The following PEX2 variants were observed in gnomAD, a reference collection of about 807,000 sequenced individuals.
PEX2 encodes the protein peroxisomal biogenesis factor 2.
Under a neutral mutation model 25.2 loss-of-function variants are expected in PEX2, and 19 were observed. The observed-to-expected ratio is 0.75, with a 90% confidence interval of 0.53 to 1.10. PEX2 has a LOEUF of 1.10. Ranked by LOEUF, PEX2 falls within the 50% of genes least tolerant of loss-of-function variation. PEX2 has a pLI of 0.00. For synonymous variants in PEX2, 141 were observed against 127.7 expected, an observed-to-expected ratio of 1.10 and a Z score of -0.70; for missense variants, 347 against 350.6, an observed-to-expected ratio of 0.99 and a Z score of 0.08.
At chr8:76,991,641 C>T (rs975791929) in intron 1 of PEX2, among the ~76,000 whole-genome samples, 1 of 152,192 alleles carries the variant, frequency 6.6e-6, no homozygotes, top group Non-Finnish European at 1.5e-5. Flanking sequence ...ATACTTCTCC[C>T]ATGCTCTACA....
rs1488388293 is a variant in PEX2, at chr8:76,981,121, ATGGTGG to A, written c.*2134_*2139del. ...GTGAAAAGAACCTAAATGCTCTATG[ATGGTGG>A]TTAAATAATAATAGGAATAGGAATA... On this transcript the variant is annotated 3_prime_UTR_variant, in exon 4 of 4. Coordinates refer to ENST00000357039, the MANE Select transcript of PEX2 (RefSeq NM_000318.3). 1 of 152,204 alleles carries A rather than the reference ATGGTGG, an allele frequency of 6.6e-6. No individual in the cohort carries two copies. The highest frequency in any genetic ancestry group is 1.5e-5 in the Non-Finnish European group (1 of 68,034). 9.4% of individuals were successfully genotyped at this position (152,204 alleles called of 1,614,324 possible). A position where few individuals can be genotyped will look rare whatever the true frequency, so the allele number is the denominator to read the frequency against.
intron 2 of PEX2, 91 bp downstream of exon 2, chr8:76,988,216 T>G (rs756728612): frequency 6.6e-5 from 10 of 152,242 alleles, no homozygotes; most frequent in Non-Finnish European, 1.2e-4. Context: ...ACTGTGGTCT[T>G]CACCATCACA....
chr8:76,997,196 C>T (rs1807360408), intron 1 of PEX2, among the ~76,000 whole-genome samples: 1 of 152,162 alleles, frequency 6.6e-6, no homozygotes, highest in African/African-American at 2.4e-5. Context: ...AAGGACCATT[C>T]AAAGAACCAT....
intron 2 of PEX2, chr8:76,988,037 T>C (rs1300065534): frequency 6.6e-6 from 1 of 152,240 alleles, no homozygotes; most frequent in Admixed American, 6.5e-5. Context: ...TCTACATAAG[T>C]GCTAAAATCA....
rs1236376690 is a variant in PEX2 at position 76,999,995 on chromosome 8, G to A, written c.-165C>T. The A allele has an allele frequency of 2.2e-6, 1 of 455,970 alleles. No homozygotes were observed. The highest frequency in any genetic ancestry group is 1.6e-5 in the South Asian group (1 of 64,434). The allele number at this position is 455,970 out of a possible 1,614,324, so 28.2% of individuals were successfully genotyped here. A position where few individuals can be genotyped will look rare whatever the true frequency, so the allele number is the denominator to read the frequency against. ...TCTCTAGGGCAGACACTGACCTTAG[G>A]AGTCTGCGAAACGCCCACGCTCCAC... On this transcript the variant is annotated 5_prime_UTR_variant, in exon 1 of 4. Coordinates refer to ENST00000357039, the MANE Select transcript of PEX2 (RefSeq NM_000318.3).
chr8:76,981,504 T>C lies in PEX2; in HGVS notation c.*1757A>G, dbSNP rs935984909. 5.9e-5 allele frequency: 9 copies of C among 152,282 alleles called. No homozygotes were observed. The highest frequency in any genetic ancestry group is 5.9e-4 in the Admixed American group (9 of 15,302). 9.4% of individuals were successfully genotyped at this position (152,282 alleles called of 1,614,324 possible). On this transcript the variant is annotated 3_prime_UTR_variant, in exon 4 of 4. Transcript: ENST00000357039. ...CAAACAAAAAACAAAGACGTTTGTA[T>C]ATATTTTTATTTTTTTAGAAACGAA...
rs1438244180 is a variant in PEX2, at chr8:76,982,180, G to A, written c.*1081C>T. On this transcript the variant is annotated 3_prime_UTR_variant, in exon 4 of 4. Coordinates refer to ENST00000357039, the MANE Select transcript of PEX2 (RefSeq NM_000318.3). ...CTAATAATTCTATACCATTTTAAGA[G>A]TCTGAATTTACTTTTAAGTAAAAAA... 2.6e-5 allele frequency: 4 copies of A among 152,168 alleles called. No individual in the cohort carries two copies. The highest frequency in any genetic ancestry group is 5.9e-5 in the Non-Finnish European group (4 of 68,030). 9.4% of individuals were successfully genotyped at this position (152,168 alleles called of 1,614,324 possible).
chr8:76,995,622 A>G (rs1461690483), intron 1 of PEX2, among the ~76,000 whole-genome samples: 2 of 152,206 alleles, frequency 1.3e-5, no homozygotes, highest in Non-Finnish European at 2.9e-5. Flanking sequence ...ATCTAAAACT[A>G]GCACAAAATA....
Position 76,993,077 on chromosome 8 carries a change from A to C in PEX2, c.-159-4739T>G, listed in dbSNP as rs530457222. On this transcript the variant is annotated intron_variant, in intron 1 of 3. Coordinates refer to ENST00000357039, the MANE Select transcript of PEX2 (RefSeq NM_000318.3). ...ATTTAACCCCCGTCAATGTGGCTGC[A>C]TCTGTTATCTGGAAGGAGACAAGTC... 7.2e-5 allele frequency among the ~76,000 whole-genome samples: 11 copies of C among 152,266 alleles called. No individual in the cohort carries two copies. The South Asian group carries it at 2.3e-3, about 32-fold the overall frequency.
rs1208391748 is a variant in PEX2 at position 76,982,005 on chromosome 8, T to C, written c.*1256A>G. 6.6e-6 allele frequency: 1 copy of C among 152,212 alleles called. No homozygotes were observed. The highest frequency in any genetic ancestry group is 2.4e-5 in the African/African-American group (1 of 41,456). The allele number at this position is 152,212 out of a possible 1,614,324, so 9.4% of individuals were successfully genotyped here. A position where few individuals can be genotyped will look rare whatever the true frequency, so the allele number is the denominator to read the frequency against. ...TGCCTCTAATGGCTACATCAGTACC[T>C]GGCACCTGAGTACTTGTTCAATGAA... On this transcript the variant is annotated 3_prime_UTR_variant, in exon 4 of 4. Coordinates refer to ENST00000357039, the MANE Select transcript of PEX2 (RefSeq NM_000318.3).
chr8:76,997,236 T>G (rs1459485912), intron 1 of PEX2, among the ~76,000 whole-genome samples: 1 of 152,068 alleles, frequency 6.6e-6, no homozygotes, highest in South Asian at 2.1e-4. Context: ...AATAGATGAG[T>G]GAAAAACTCA....
Position 76,983,547 on chromosome 8 carries a change from A to AT in PEX2, c.631dup (p.Ile211AsnfsTer22). 6.2e-7 allele frequency: 1 copy of AT among 1,614,086 alleles called. No individual in the cohort carries two copies. The highest frequency in any genetic ancestry group is 2.2e-5 in the East Asian group (1 of 44,866). ...CTTGGCTTTCAACTTCTGGACATTG[A>AT]TAAGTGGTAAGAGAAAAATCAGAAA... On this transcript the variant is annotated frameshift_variant, in exon 4 of 4. Coordinates refer to ENST00000357039, the MANE Select transcript of PEX2 (RefSeq NM_000318.3). LOFTEE classifies it high-confidence loss of function.
intron 3 of PEX2, among the ~76,000 whole-genome samples, chr8:76,985,001 A>G (rs952757582): frequency 4.5e-4 from 68 of 152,174 alleles, no homozygotes; most frequent in African/African-American, 1.6e-3. Context: ...TAAATGAAAT[A>G]TAAGAAGCTG....
upstream of PEX2, among the ~76,000 whole-genome samples, chr8:77,000,666 A>T (rs1279858155): frequency 3.9e-5 from 6 of 152,156 alleles, no homozygotes; most frequent in Non-Finnish European, 7.4e-5. Context: ...CTGCAGGCTC[A>T]GGAAGGCAGG....
chr8:76,994,556 G>A (rs1387203003), intron 1 of PEX2, among the ~76,000 whole-genome samples: 3 of 152,018 alleles, frequency 2.0e-5, no homozygotes, highest in Non-Finnish European at 2.9e-5. Flanking sequence ...AGTATTAGAG[G>A]TATTACCATT....
chr8:76,986,373 T>A (rs935462032), intron 2 of PEX2, 77 bp from the exon 3 acceptor site: 1 of 152,222 alleles, frequency 6.6e-6, no homozygotes, highest in African/African-American at 2.4e-5. Context: ...TGCCAAGGAC[T>A]GTTGGTACGT....
chr8:76,996,094 AC>A (rs1413320294), intron 1 of PEX2, among the ~76,000 whole-genome samples: 13 of 152,160 alleles, frequency 8.5e-5, no homozygotes, highest in Admixed American at 6.5e-4. Flanking sequence ...GGAGACAGAG[AC>A]AGTATTCATG....
intron 1 of PEX2, among the ~76,000 whole-genome samples, chr8:76,992,762 T>C (rs1462920687): frequency 6.6e-6 from 1 of 152,216 alleles, no homozygotes; most frequent in Non-Finnish European, 1.5e-5. Context: ...GGCATTCTCC[T>C]AGGTACTAGA....
intron 3 of PEX2, among the ~76,000 whole-genome samples, chr8:76,985,732 G>C (rs889976857): frequency 2.0e-5 from 3 of 152,140 alleles, no homozygotes; most frequent in Non-Finnish European, 4.4e-5. Flanking sequence ...TACTGAGGGA[G>C]GCATGGATCC....
Sources: allele counts gnomAD v4.1 joint callset (sites outside exome capture counted in the v4.1 genomes callset), GRCh38; gene constraint gnomAD v4.1.1; transcripts MANE v1.5; gene names NCBI Gene and HGNC (gene_info 2026-07-23, HGNC 2026-07-21).